Variants in NUTM2E observed in about 807,000 individuals in gnomAD.
NUTM2E encodes family with sequence similarity 22, member E.
NUTM2E carries 3 observed loss-of-function variants against 26.1 expected under a neutral mutation model. The ratio of observed to expected loss-of-function variants is 0.12; its 90% confidence interval spans 0.05 to 0.30. NUTM2E has a LOEUF of 0.30. NUTM2E is among the 10% of genes least tolerant of loss of function. The pLI is 1.00. For missense variants in NUTM2E, 62 were observed against 381.3 expected, an observed-to-expected ratio of 0.16 and a Z score of 6.97; for synonymous variants, 13 against 157.5, an observed-to-expected ratio of 0.08 and a Z score of 6.87.
chr10:79,838,259 G>A (rs945005798), intron 1 of NUTM2E, among the ~76,000 whole-genome samples, 50 bp from the exon 2 acceptor site: 7 of 104,392 alleles, frequency 6.7e-5, no homozygotes, highest in African/African-American at 3.3e-5. Context: ...ACCAACTTGT[G>A]CTACCAAGTG....
intron 2 of NUTM2E, among the ~76,000 whole-genome samples, 52 bp downstream of exon 2, chr10:79,838,638 G>A (rs1307616346): frequency 7.3e-5 from 11 of 150,936 alleles, no homozygotes; most frequent in Middle Eastern, 3.2e-3. Context: ...CCCCCACTAG[G>A]AAAGCTATGA....
intron 1 of NUTM2E, among the ~76,000 whole-genome samples, chr10:79,835,277 C>T (rs1037829207): frequency 6.0e-5 from 9 of 150,984 alleles, no homozygotes; most frequent in African/African-American, 2.2e-4. Flanking sequence ...AATCCGGACT[C>T]TAGTCTCCTC....
intron 8 of NUTM2E, 139 bp downstream of exon 8, chr10:79,849,034 T>G: frequency 1.0e-6 from 1 of 965,866 alleles, no homozygotes; most frequent in South Asian, 1.5e-5. Context: ...TGTGATTGTG[T>G]GTGTCTGTGT....
chr10:79,835,029 A>T (rs955844548), intron 1 of NUTM2E, among the ~76,000 whole-genome samples: 3 of 151,262 alleles, frequency 2.0e-5, no homozygotes, highest in Non-Finnish European at 4.4e-5. Context: ...TTTTAAATAA[A>T]CTGCCTTGTT....
chr10:79,838,897 G>A lies in NUTM2E; in HGVS notation c.-2332G>A, dbSNP rs901724092. On this transcript the variant is annotated 5_prime_UTR_variant, in exon 3 of 10. Coordinates refer to ENST00000429984, the MANE Select transcript of NUTM2E (RefSeq NM_001355263.2). ...ACTGGCGCTGGGAGCGGTTGAGGGC[G>A]GCCGGCCTCGCGCTGGAACCTCGCC... is the stretch of plus-strand genomic sequence containing the variant. Among the ~76,000 whole-genome samples, 14 of 149,546 alleles carry A rather than the reference G, an allele frequency of 9.4e-5. No individual in the cohort carries two copies. Among genetic ancestry groups the A allele is most frequent in the Admixed American group, 2.0e-4 (3 of 15,040 alleles).
Position 79,839,012 on chromosome 10 carries a change from G to A in NUTM2E, c.-2217G>A. On this transcript the variant is annotated 5_prime_UTR_variant, in exon 3 of 10. Coordinates refer to ENST00000429984, the MANE Select transcript of NUTM2E (RefSeq NM_001355263.2). ...GGAGATGTGGAAATGGAGGGACGCGGCACCTGGGTGCTTCCTGGGGCCAGA... is the reference window on the plus strand; with the variant it reads ...GGAGATGTGGAAATGGAGGGACGCGACACCTGGGTGCTTCCTGGGGCCAGA... 6.7e-6 allele frequency among the ~76,000 whole-genome samples: 1 copy of A among 149,974 alleles called. No homozygotes were observed. Among genetic ancestry groups the A allele is most frequent in the African/African-American group, 2.5e-5 (1 of 40,696 alleles).
At chr10:79,836,623 T>A (rs1323101441) in intron 1 of NUTM2E, among the ~76,000 whole-genome samples, 1 of 151,928 alleles carries the variant, frequency 6.6e-6, no homozygotes, top group African/African-American at 2.4e-5. Flanking sequence ...AAATTACATG[T>A]GAATTTGACT....
chr10:79,826,868 G>A lies in NUTM2E; in HGVS notation c.-3217G>A, dbSNP rs574055535. ...GAGCCCGTCGGGAGTCGTAGTCCCG[G>A]ACGGGCCCGCGGCATCGTCCGCGAC... On this transcript the variant is annotated 5_prime_UTR_variant, in exon 1 of 10. Coordinates refer to ENST00000429984, the MANE Select transcript of NUTM2E (RefSeq NM_001355263.2). 1 of 151,364 alleles carries A rather than the reference G, an allele frequency of 6.6e-6. No individual in the cohort carries two copies. Among genetic ancestry groups the A allele is most frequent in the African/African-American group, 2.4e-5 (1 of 41,276 alleles). The allele number at this position is 151,364 out of a possible 1,614,324, so 9.4% of individuals were successfully genotyped here.
intron 8 of NUTM2E, 63 bp downstream of exon 8, chr10:79,848,958 G>A (rs1031337795): frequency 1.7e-6 from 1 of 598,514 alleles, no homozygotes; most frequent in Admixed American, 3.9e-5. Flanking sequence ...CAGGTCCTTG[G>A]AATTAAGCTC....
intron 6 of NUTM2E, among the ~76,000 whole-genome samples, chr10:79,847,485 G>A (rs1395420384): frequency 1.8e-5 from 1 of 54,518 alleles, no homozygotes; most frequent in Admixed American, 2.1e-4. Context: ...GGGGAAAGGA[G>A]CCCTGTCCTC....
chr10:79,831,648 A>C (rs966591161), intron 1 of NUTM2E, among the ~76,000 whole-genome samples: 2 of 151,922 alleles, frequency 1.3e-5, no homozygotes, highest in Non-Finnish European at 2.9e-5. Context: ...CCCATTATAC[A>C]TCGGGCTTTT....
intron 1 of NUTM2E, among the ~76,000 whole-genome samples, chr10:79,836,471 T>G (rs1841964209): frequency 6.6e-6 from 1 of 151,960 alleles, no homozygotes. Flanking sequence ...TATAGCTACA[T>G]AAGAGTATTG....
intron 1 of NUTM2E, among the ~76,000 whole-genome samples, chr10:79,831,401 G>A (rs559440324): frequency 4.1e-4 from 62 of 151,146 alleles, no homozygotes; most frequent in Non-Finnish European, 3.0e-4. Flanking sequence ...GAAGTGTTTG[G>A]TTGTAGGGTA....
chr10:79,829,613 C>CA (rs1841913896), intron 1 of NUTM2E, among the ~76,000 whole-genome samples: 1 of 151,908 alleles, frequency 6.6e-6, no homozygotes, highest in African/African-American at 2.4e-5. Flanking sequence ...CCCATACCCT[C>CA]AGTGACTTAC....
intron 1 of NUTM2E, among the ~76,000 whole-genome samples, chr10:79,835,625 CACTT>C (rs1369637543): frequency 1.3e-5 from 1 of 79,460 alleles, no homozygotes; most frequent in African/African-American, 4.4e-5. Context: ...AGACACTTCA[CACTT>C]AACATCTGTT....
chr10:79,836,108 C>A lies in NUTM2E; in HGVS notation c.-2727-2201C>A, dbSNP rs577300436. 2.0e-5 allele frequency among the ~76,000 whole-genome samples: 3 copies of A among 151,188 alleles called. No individual in the cohort carries two copies. The East Asian group carries it at 5.8e-4, about 29-fold the overall frequency. The stretch of plus-strand genomic sequence containing the variant: ...TGTTTTCTACAAATTAGCTCTCTTG[C>A]GCAAGTGGAGAAATAGCATATGTAT... On this transcript the variant is annotated intron_variant, in intron 1 of 9. Coordinates refer to ENST00000429984, the MANE Select transcript of NUTM2E (RefSeq NM_001355263.2).
chr10:79,845,614 G>C (rs948840016), intron 5 of NUTM2E, among the ~76,000 whole-genome samples: 1 of 99,588 alleles, frequency 1.0e-5, no homozygotes, highest in African/African-American at 3.1e-5. Flanking sequence ...CCAAAGCCAC[G>C]GGCTCCAGTG....
intron 1 of NUTM2E, among the ~76,000 whole-genome samples, chr10:79,828,088 C>T (rs1841900544): frequency 6.6e-6 from 1 of 151,550 alleles, no homozygotes; most frequent in East Asian, 1.9e-4. Context: ...AGCCACCGTG[C>T]CCGGCCGACA....
chr10:79,845,050 G>C (rs1410570265), intron 5 of NUTM2E, among the ~76,000 whole-genome samples, 178 bp downstream of exon 5: 1 of 112,828 alleles, frequency 8.9e-6, no homozygotes, highest in East Asian at 2.1e-4. Context: ...AGGACAGACT[G>C]TCAGGGGCCT....
Sources: allele counts gnomAD v4.1 joint callset (sites outside exome capture counted in the v4.1 genomes callset), GRCh38; gene constraint gnomAD v4.1.1; transcripts MANE v1.5; gene names NCBI Gene and HGNC (gene_info 2026-07-23, HGNC 2026-07-21).